The following PAPPA variants were observed in gnomAD, a reference collection of about 807,000 sequenced individuals.
PAPPA encodes pappalysin-1.
PAPPA carries 60 observed loss-of-function variants against 164.0 expected under a neutral mutation model. The ratio of observed to expected loss-of-function variants is 0.37; its 90% confidence interval spans 0.30 to 0.45. The LOEUF (loss-of-function observed/expected upper bound fraction) is 0.45. Among genes scored for constraint, PAPPA ranks in the 20% least tolerant of loss-of-function variants. PAPPA has a pLI of 1.00. For missense variants in PAPPA, 1,782 were observed against 2,087.3 expected (o/e 0.85, Z 2.85); for synonymous variants, 875 against 814.1 (o/e 1.07, Z -1.27).
intron 13 of PAPPA, among the ~76,000 whole-genome samples, chr9:116,338,190 C>T (rs1846086031): frequency 1.3e-5 from 2 of 152,160 alleles, no homozygotes; most frequent in Admixed American, 1.3e-4. Context: ...TAACTTCCTT[C>T]CCTCCTCCCT....
chr9:116,350,665 G>T (rs1190354896), intron 15 of PAPPA, among the ~76,000 whole-genome samples: 1 of 152,150 alleles, frequency 6.6e-6, no homozygotes, highest in Non-Finnish European at 1.5e-5. Context: ...TAGGCAATTT[G>T]GAGAGGGTGT....
chr9:116,176,407 G>A (rs1843835366), intron 1 of PAPPA, among the ~76,000 whole-genome samples: 2 of 152,304 alleles, frequency 1.3e-5, no homozygotes, highest in Admixed American at 1.3e-4. Context: ...TCTGGACCAT[G>A]GGCCAGTTAG....
At chr9:116,318,382 A>G (rs1437790455) in intron 10 of PAPPA, 1 of 152,052 alleles carries the variant, frequency 6.6e-6, no homozygotes, top group Middle Eastern at 3.2e-3. Flanking sequence ...GGACCATGGG[A>G]ATGAAGAACC....
intron 17 of PAPPA, among the ~76,000 whole-genome samples, chr9:116,357,193 C>T (rs1304894998): frequency 1.3e-5 from 2 of 152,198 alleles, no homozygotes; most frequent in African/African-American, 4.8e-5. Flanking sequence ...CTGAATGTAG[C>T]TATGGAGCAC....
In PAPPA at chr9:116,187,946, C is replaced by T. The variant is rs541353902; in HGVS notation, c.1208C>T (p.Ser403Phe). The T allele has an allele frequency of 1.2e-6, 2 of 1,614,152 alleles. No homozygotes were observed. Among genetic ancestry groups the T allele is most frequent in the East Asian group, 2.2e-5 (1 of 44,878 alleles). ...CTGGACGTGCTGGAGGTGAGCAACTCCTCCCTTCGCCGCCGCCTCATCCTG... is the reference window on the plus strand; with the variant it reads ...CTGGACGTGCTGGAGGTGAGCAACTTCTCCCTTCGCCGCCGCCTCATCCTG... ...WELDVLEVSN[S>F]SLRRRLILAN... Residue 403 changes from serine (S) to phenylalanine (F), a missense_variant, in exon 2 of 22, where the codon TCC becomes TTC. Ser to Phe is a radical substitution (Grantham distance 155, BLOSUM62 -2). Coordinates refer to ENST00000328252, the MANE Select transcript of PAPPA (RefSeq NM_002581.5). The surrounding 1 kb of genome is among the most constrained non-coding windows in gnomAD (Gnocchi z 4.2).
At chr9:116,240,151 T>A (rs1346389388) in intron 7 of PAPPA, among the ~76,000 whole-genome samples, 3 of 152,218 alleles carry the variant, frequency 2.0e-5, no homozygotes, top group Non-Finnish European at 4.4e-5. Context: ...TCTCATCTAC[T>A]TATTGGTCTG....
Position 116,187,086 on chromosome 9 carries a change from A to G in PAPPA, c.416-68A>G. 1.7e-6 allele frequency: 2 copies of G among 1,156,686 alleles called. No homozygotes were observed. The highest frequency in any genetic ancestry group is 2.5e-6 in the Non-Finnish European group (2 of 793,740). 71.7% of individuals were successfully genotyped at this position (1,156,686 alleles called of 1,614,324 possible). ...AACCTGATACAAATTTTATTAGAGA[A>G]AAATAACTTAACCCCCCCTCCTTTT... On this transcript the variant is annotated intron_variant, in intron 1 of 21. Transcript: ENST00000328252. This position sits in a 1 kb window ranked among gnomAD's most constrained non-coding sequence, Gnocchi z 4.2.
chr9:116,331,842 G>A (rs747314100), intron 11 of PAPPA, among the ~76,000 whole-genome samples: 2 of 152,152 alleles, frequency 1.3e-5, no homozygotes, highest in Non-Finnish European at 2.9e-5. Flanking sequence ...AAATGCAAGG[G>A]CCATATCTTA....
intron 9 of PAPPA, among the ~76,000 whole-genome samples, chr9:116,290,826 G>T (rs1181982937): frequency 6.6e-6 from 1 of 150,542 alleles, no homozygotes; most frequent in East Asian, 1.9e-4. Flanking sequence ...CCATGTTTTG[G>T]ATTTTTTTTT....
intron 6 of PAPPA, among the ~76,000 whole-genome samples, chr9:116,229,475 T>C (rs1295010433): frequency 6.6e-6 from 1 of 152,220 alleles, no homozygotes; most frequent in Non-Finnish European, 1.5e-5. Flanking sequence ...AGCTTTAGTT[T>C]ATAAAGCGGA....
chr9:116,201,344 T>C (rs906570967), intron 2 of PAPPA, among the ~76,000 whole-genome samples: 1 of 152,224 alleles, frequency 6.6e-6, no homozygotes, highest in African/African-American at 2.4e-5. Flanking sequence ...TAGCGGTTCA[T>C]GGACTTGAGA....
chr9:116,238,105 C>A (rs148428341), intron 7 of PAPPA, among the ~76,000 whole-genome samples: 5 of 152,018 alleles, frequency 3.3e-5, no homozygotes, highest in African/African-American at 7.2e-5. Flanking sequence ...TCCACTCTCC[C>A]CCGAGATATT....
intron 7 of PAPPA, among the ~76,000 whole-genome samples, chr9:116,257,838 AAATAT>A (rs1844949622): frequency 6.6e-6 from 1 of 152,004 alleles, no homozygotes; most frequent in African/African-American, 2.4e-5. Context: ...GAGGACTTCT[AAATAT>A]AATATAAATT....
chr9:116,193,465 C>T (rs1160660762), intron 2 of PAPPA, among the ~76,000 whole-genome samples: 2 of 152,064 alleles, frequency 1.3e-5, no homozygotes, highest in Non-Finnish European at 2.9e-5. Context: ...TAGATGGGTC[C>T]AGTACTTTCT....
intron 9 of PAPPA, 29 bp from the exon 10 acceptor site, chr9:116,302,728 C>T (rs1200404521): frequency 6.4e-7 from 1 of 1,571,436 alleles, no homozygotes; most frequent in African/African-American, 1.4e-5. Context: ...TTTATTTATT[C>T]TCTCCCTTTC....
Position 116,230,573 on chromosome 9 carries a change from T to C in PAPPA, c.2233+3021T>C, listed in dbSNP as rs76993259. On this transcript the variant is annotated intron_variant, in intron 6 of 21. Transcript: ENST00000328252. Reference sequence around the variant, plus strand: ...ATAATATCCTTTCTAGCTCTAATATTGCATGGAGCTGTAACTTCTTTTCAT... The same window carrying C: ...ATAATATCCTTTCTAGCTCTAATATCGCATGGAGCTGTAACTTCTTTTCAT... Among the ~76,000 whole-genome samples, 144 of 152,330 alleles carry C rather than the reference T, an allele frequency of 9.5e-4. 3 individuals carry two copies. The East Asian group carries it at 0.023, about 24-fold the overall frequency.
intron 8 of PAPPA, among the ~76,000 whole-genome samples, chr9:116,268,536 T>A (rs143044155): frequency 0.012 from 1,727 of 150,172 alleles, 28 homozygotes; most frequent in African/African-American, 0.04. Context: ...TTTAGCCCAA[T>A]TTTTTTTTTA....
At chr9:116,372,660 C>T (rs891657367) in intron 19 of PAPPA, among the ~76,000 whole-genome samples, 15 of 152,018 alleles carry the variant, frequency 9.9e-5, no homozygotes, top group Non-Finnish European at 1.5e-4. Context: ...ATCCTCAGAA[C>T]CTTATAATGC....
At chr9:116,272,196 T>C (rs4837294) in intron 9 of PAPPA, among the ~76,000 whole-genome samples, 37,424 of 152,010 alleles carry the variant, frequency 0.25, 5,092 homozygotes, top group African/African-American at 0.34. Context: ...TTTGAGCTGG[T>C]CCAGATGAGA....
Sources: allele counts gnomAD v4.1 joint callset (sites outside exome capture counted in the v4.1 genomes callset), GRCh38; gene constraint gnomAD v4.1.1; non-coding constraint Gnocchi (gnomAD v3.1); transcripts MANE v1.5; gene names NCBI Gene and HGNC (gene_info 2026-07-23, HGNC 2026-07-21).